Variants in KLHL32 observed in about 807,000 individuals in gnomAD.
KLHL32 encodes kelch like family member 32, also known as kelch-like protein 32.
A neutral mutation model predicts 64.8 loss-of-function variants in KLHL32; 35 were observed. The ratio of observed to expected loss-of-function variants is 0.54; its 90% CI spans 0.41 to 0.72. The LOEUF (loss-of-function observed/expected upper bound fraction) is 0.72. Ranked by LOEUF, KLHL32 falls within the 30% of genes least tolerant of loss-of-function variation. The probability of loss-of-function intolerance (pLI) is 0.00; values close to 1 mark genes in which losing one functional copy is unlikely to be tolerated. For missense variants in KLHL32, 589 were observed against 768.5 expected (o/e 0.77, Z 2.76); for synonymous variants, 259 against 281.0 (o/e 0.92, Z 0.78).
At chr6:97,005,320 G>A (rs919197151) in intron 3 of KLHL32, among the ~76,000 whole-genome samples, 3 of 151,988 alleles carry the variant, frequency 2.0e-5, no homozygotes, top group African/African-American at 7.2e-5. Context: ...GGGGTCAGTG[G>A]TAATGTCTCC....
At chr6:97,131,197 T>C (rs1375389475) in intron 9 of KLHL32, among the ~76,000 whole-genome samples, 1 of 152,186 alleles carries the variant, frequency 6.6e-6, no homozygotes, top group Non-Finnish European at 1.5e-5. Flanking sequence ...CTGAGAGGCA[T>C]GTCAAGTCCA....
intron 1 of KLHL32, among the ~76,000 whole-genome samples, chr6:96,951,315 T>C (rs1772558907): frequency 2.0e-5 from 3 of 152,136 alleles, no homozygotes; most frequent in African/African-American, 7.2e-5. Context: ...TGGAGTATTA[T>C]GAATTTGGGC....
rs567199558 is a variant in KLHL32, at chr6:96,949,557, T to C, written c.-65-17439T>C. 2.0e-5 allele frequency among the ~76,000 whole-genome samples: 3 copies of C among 152,310 alleles called. No individual in the cohort carries two copies. The South Asian group carries it at 6.2e-4, about 32-fold the overall frequency. On this transcript the variant is annotated intron_variant, in intron 1 of 10. Coordinates refer to ENST00000369261, the MANE Select transcript of KLHL32 (RefSeq NM_052904.4). Reference sequence around the variant, plus strand: ...CTCATTTTTATTTTTGTAAAAATTGTGAATATTTTCCATTTGACTGACTCA... The same window carrying C: ...CTCATTTTTATTTTTGTAAAAATTGCGAATATTTTCCATTTGACTGACTCA...
intron 1 of KLHL32, among the ~76,000 whole-genome samples, chr6:96,927,859 C>T (rs1006699561): frequency 2.0e-5 from 3 of 152,210 alleles, no homozygotes; most frequent in Non-Finnish European, 2.9e-5. Flanking sequence ...AAACACACTG[C>T]TCCTGGCAGC....
intron 3 of KLHL32, among the ~76,000 whole-genome samples, chr6:97,014,297 A>C (rs2128096702): frequency 6.6e-6 from 1 of 151,220 alleles, no homozygotes; most frequent in Non-Finnish European, 1.5e-5. Flanking sequence ...TCCGTCTCAA[A>C]AAAAAAAAAA....
At position 96,984,889 on chromosome 6, in the gene KLHL32, T is replaced by C. The variant is rs547000275; in HGVS notation, c.204+8712T>C. Among the ~76,000 whole-genome samples, 297 of 152,324 alleles carry C rather than the reference T, an allele frequency of 1.9e-3. 1 individual carries two copies. The highest frequency in any genetic ancestry group is 6.8e-3 in the African/African-American group (283 of 41,584). On this transcript the variant is annotated intron_variant, in intron 3 of 10. Transcript: ENST00000369261. ...CCATTTACATTTAAGGTTAATATTGTTATGTGTGAATTTGATCCTGTCATT... is the reference window on the plus strand; with the variant it reads ...CCATTTACATTTAAGGTTAATATTGCTATGTGTGAATTTGATCCTGTCATT...
At chr6:97,133,534 T>C (rs1799660864) in intron 10 of KLHL32, among the ~76,000 whole-genome samples, 2 of 152,224 alleles carry the variant, frequency 1.3e-5, no homozygotes, top group African/African-American at 4.8e-5. Flanking sequence ...TCTTTAATAG[T>C]TGCAGAACTG....
chr6:97,026,592 C>G (rs6930620), intron 3 of KLHL32, among the ~76,000 whole-genome samples: 9,890 of 152,074 alleles, frequency 0.065, 691 homozygotes, highest in African/African-American at 0.17. Flanking sequence ...AGCTGTCAAA[C>G]AAAAGTGATG....
chr6:97,006,998 A>G (rs945997425), intron 3 of KLHL32, among the ~76,000 whole-genome samples: 1 of 152,132 alleles, frequency 6.6e-6, no homozygotes, highest in Non-Finnish European at 1.5e-5. Flanking sequence ...AGTGTCTCAC[A>G]GGGGTTCTCC....
At chr6:97,022,515 G>C (rs1582744554) in intron 3 of KLHL32, among the ~76,000 whole-genome samples, 1 of 147,774 alleles carries the variant, frequency 6.8e-6, no homozygotes, top group East Asian at 2.0e-4. Flanking sequence ...TGTTGCCCAG[G>C]CTGGAGTGCA....
rs373301905 is a variant in KLHL32, at chr6:97,140,402, G to T, written c.*1120G>T. The T allele has an allele frequency of 2.0e-5, 3 of 152,148 alleles. No individual in the cohort carries two copies. The East Asian group carries it at 5.8e-4, about 29-fold the overall frequency. The allele number at this position is 152,148 out of a possible 1,614,324, so 9.4% of individuals were successfully genotyped here. On this transcript the variant is annotated 3_prime_UTR_variant, in exon 11 of 11. Transcript: ENST00000369261. Reference sequence around the variant, plus strand: ...CTTTGTTAAAGGTTATGTCAATCTTGAGTGCTTGTGGAATTCTTCACCACC... The same window carrying T: ...CTTTGTTAAAGGTTATGTCAATCTTTAGTGCTTGTGGAATTCTTCACCACC...
At chr6:97,086,460 G>A (rs965381048) in intron 6 of KLHL32, among the ~76,000 whole-genome samples, 1 of 152,124 alleles carries the variant, frequency 6.6e-6, no homozygotes, top group African/African-American at 2.4e-5. Flanking sequence ...TGGGTCCCAG[G>A]CTCTCTGCAA....
At chr6:97,113,052 AGAT>A (rs1797368018) in intron 6 of KLHL32, among the ~76,000 whole-genome samples, 1 of 150,944 alleles carries the variant, frequency 6.6e-6, no homozygotes, top group African/African-American at 2.4e-5. Flanking sequence ...CATAATACAA[AGAT>A]GATCTCCTCT....
At chr6:97,049,860 C>A (rs1440250181) in intron 4 of KLHL32, among the ~76,000 whole-genome samples, 1 of 152,196 alleles carries the variant, frequency 6.6e-6, no homozygotes, top group Non-Finnish European at 1.5e-5. Flanking sequence ...ACAGTGAAGT[C>A]ATAAAATATG....
At chr6:97,098,937 T>C (rs925473320) in intron 6 of KLHL32, among the ~76,000 whole-genome samples, 4 of 152,228 alleles carry the variant, frequency 2.6e-5, no homozygotes, top group Non-Finnish European at 5.9e-5. Flanking sequence ...AGAAAAGTAA[T>C]GCAAAGTTTA....
At chr6:97,056,234 T>C (rs957465382) in intron 4 of KLHL32, among the ~76,000 whole-genome samples, 1 of 151,836 alleles carries the variant, frequency 6.6e-6, no homozygotes, top group South Asian at 2.1e-4. Context: ...GCCTCCCTAG[T>C]AGCTGGGACT....
chr6:96,975,195 G>C (rs979689135), intron 2 of KLHL32, among the ~76,000 whole-genome samples: 1 of 152,210 alleles, frequency 6.6e-6, no homozygotes, highest in African/African-American at 2.4e-5. Flanking sequence ...GTTTTAGGTT[G>C]GGGTAGAGAG....
intron 3 of KLHL32, among the ~76,000 whole-genome samples, chr6:96,992,620 G>A (rs543110310): frequency 2.0e-4 from 31 of 152,228 alleles, no homozygotes; most frequent in Non-Finnish European, 4.4e-4. Context: ...GCGCATGTGA[G>A]TGCAAGAGAC....
intron 2 of KLHL32, among the ~76,000 whole-genome samples, chr6:96,970,925 T>C (rs553445348): frequency 8.1e-4 from 124 of 152,320 alleles, no homozygotes; most frequent in African/African-American, 2.9e-3. Flanking sequence ...TCTTTAATTT[T>C]CATGAAAAGA....
Sources: allele counts gnomAD v4.1 joint callset (sites outside exome capture counted in the v4.1 genomes callset), GRCh38; gene constraint gnomAD v4.1.1; transcripts MANE v1.5; gene names NCBI Gene and HGNC (gene_info 2026-07-23, HGNC 2026-07-21).